The following SEMA3D variants were observed in gnomAD, a reference collection of about 807,000 sequenced individuals.
SEMA3D encodes the protein semaphorin-3D.
SEMA3D carries 84 observed loss-of-function variants against 100.1 expected under a neutral mutation model. The ratio of observed to expected loss-of-function variants is 0.84; its 90% CI spans 0.70 to 1.01. SEMA3D has a LOEUF of 1.01. Ranked by LOEUF, SEMA3D falls within the 50% of genes least tolerant of loss-of-function variation. The probability of loss-of-function intolerance (pLI) is 0.00; values close to 1 mark genes in which losing one functional copy is unlikely to be tolerated. For missense variants in SEMA3D, 875 were observed against 934.1 expected, an observed-to-expected ratio of 0.94 and a Z score of 0.82; for synonymous variants, 312 against 320.7, an observed-to-expected ratio of 0.97 and a Z score of 0.29.
chr7:85,047,754 T>C (rs1791049511), intron 9 of SEMA3D, among the ~76,000 whole-genome samples: 1 of 151,858 alleles, frequency 6.6e-6, no homozygotes, highest in African/African-American at 2.4e-5. Context: ...TTCAAATCAA[T>C]AGAAACTGGA....
chr7:85,129,736 G>A (rs892604754), intron 2 of SEMA3D, among the ~76,000 whole-genome samples: 2 of 152,096 alleles, frequency 1.3e-5, no homozygotes, highest in African/African-American at 4.8e-5. Flanking sequence ...GATGTATGCT[G>A]TAGGACAATA....
chr7:85,218,480 T>G, the SEMA3D span, among the ~76,000 whole-genome samples: 1 of 152,114 alleles, frequency 6.6e-6, no homozygotes, highest in African/African-American at 2.4e-5. Flanking sequence ...ATTTTGGGTA[T>G]TTTTATATAA....
At chr7:85,184,675 T>G (rs1166397993) in intron 1 of SEMA3D, among the ~76,000 whole-genome samples, 1 of 152,218 alleles carries the variant, frequency 6.6e-6, no homozygotes, top group Non-Finnish European at 1.5e-5. Context: ...CATTGGAAAT[T>G]TTGGCAATTC....
chr7:85,060,108 T>C (rs569536663), intron 8 of SEMA3D, among the ~76,000 whole-genome samples: 1 of 152,334 alleles, frequency 6.6e-6, no homozygotes, highest in South Asian at 2.1e-4. Flanking sequence ...TATTCAGTCA[T>C]TATTGATTTT....
chr7:85,098,003 A>AG (rs1788618757), intron 3 of SEMA3D, 38 bp from the exon 4 acceptor site: 1 of 1,174,022 alleles, frequency 8.5e-7, no homozygotes, highest in Non-Finnish European at 1.2e-6. Context: ...GGAGAAAGAA[A>AG]AAAGAAAGAA....
chr7:85,229,260 T>A, the SEMA3D span, among the ~76,000 whole-genome samples: 2 of 152,038 alleles, frequency 1.3e-5, no homozygotes, highest in African/African-American at 4.8e-5. Context: ...ATTTTTGTCT[T>A]AGATTCTGAT....
At chr7:85,073,938 A>T (rs1053363111) in intron 5 of SEMA3D, among the ~76,000 whole-genome samples, 2 of 152,162 alleles carry the variant, frequency 1.3e-5, no homozygotes, top group African/African-American at 4.8e-5. Flanking sequence ...TTTAGAACTT[A>T]ATTATTTCAT....
the SEMA3D span, among the ~76,000 whole-genome samples, chr7:85,201,859 G>T: frequency 1.3e-5 from 2 of 151,820 alleles, no homozygotes; most frequent in East Asian, 1.9e-4. Flanking sequence ...CTGAGTAGCT[G>T]GGACTACAGG....
At chr7:85,069,629 T>C (rs1315598222) in intron 6 of SEMA3D, among the ~76,000 whole-genome samples, 1 of 152,186 alleles carries the variant, frequency 6.6e-6, no homozygotes, top group Non-Finnish European at 1.5e-5. Flanking sequence ...CTTGATTAAT[T>C]ATGCAAAAAG....
At position 85,042,278 on chromosome 7, in the gene SEMA3D, A is replaced by C. The variant is rs1220675844; in HGVS notation, c.869T>G (p.Val290Gly). 1.9e-6 allele frequency: 3 copies of C among 1,604,592 alleles called. No individual in the cohort carries two copies. The highest frequency in any genetic ancestry group is 2.6e-6 in the Non-Finnish European group (3 of 1,171,980). The change falls in exon 10 of 19, where the codon GTA (valine) becomes GGA (glycine). Residue 290 changes from valine to glycine, a missense_variant. Val to Gly is a moderately radical substitution (Grantham distance 109). Transcript: ENST00000284136. Reference sequence around the variant, plus strand: ...GTTTATCAGGCTGCGTTGTCCTCCTACATCATTCTGACATGAAAAAAAAAA... The same window carrying C: ...GTTTATCAGGCTGCGTTGTCCTCCTCCATCATTCTGACATGAAAAAAAAAA... ...SRVGRVCKND[V>G]GGQRSLINKW... is the part of the protein sequence containing the mutation.
chr7:85,121,831 C>T lies in SEMA3D; in HGVS notation c.61G>A (p.Ala21Thr), dbSNP rs1347220666. The T allele has an allele frequency of 1.2e-6, 2 of 1,608,056 alleles. No homozygotes were observed. Among genetic ancestry groups the T allele is most frequent in the Admixed American group, 1.7e-5 (1 of 59,328 alleles). Residue 21 changes from alanine to threonine, a missense_variant, in exon 3 of 19, where the codon GCT (alanine) becomes ACT (threonine). By Grantham distance (58) the Ala-to-Thr change is moderately conservative. Coordinates refer to ENST00000284136, the MANE Select transcript of SEMA3D (RefSeq NM_001384900.1). Reference protein sequence around the residue: ...ARSQDFHLFPALMMLSMTMLF... With the variant: ...ARSQDFHLFPTLMMLSMTMLF... ...ATGGTCATGCTTAGCATCATCAAAG[C>T]AGGAAAAAGGTGAAAATCTTGGCTT...
chr7:85,174,762 C>T (rs1389043540), intron 1 of SEMA3D, among the ~76,000 whole-genome samples: 1 of 152,010 alleles, frequency 6.6e-6, no homozygotes, highest in Non-Finnish European at 1.5e-5. Context: ...GTAGAGGCAT[C>T]GGTTGACGGC....
In SEMA3D at chr7:84,999,392, C is replaced by G. The variant is rs202121356; in HGVS notation, c.*48G>C. The stretch of plus-strand genomic sequence containing the variant: ...TATAAGGGATATACAAAACAGAAGG[C>G]AATGTTTTTATAGGTAAGGAATTCT... On this transcript the variant is annotated 3_prime_UTR_variant, in exon 19 of 19. Transcript: ENST00000284136. The G allele has an allele frequency of 4.0e-4, 590 of 1,459,218 alleles. No homozygotes were observed. Among genetic ancestry groups the G allele is most frequent in the Non-Finnish European group, 5.2e-4 (542 of 1,051,552 alleles). The allele number at this position is 1,459,218 out of a possible 1,614,324, so 90.4% of individuals were successfully genotyped here.
intron 15 of SEMA3D, among the ~76,000 whole-genome samples, chr7:85,017,811 A>G (rs956660393): frequency 6.6e-6 from 1 of 151,716 alleles, no homozygotes; most frequent in Admixed American, 6.6e-5. Flanking sequence ...TGTTTTTCTA[A>G]CTTTACTGTT....
At chr7:85,090,451 A>C (rs1788351816) in intron 4 of SEMA3D, among the ~76,000 whole-genome samples, 1 of 152,174 alleles carries the variant, frequency 6.6e-6, no homozygotes, top group Admixed American at 6.5e-5. Flanking sequence ...ACATGAAACT[A>C]AGCAGGGTGT....
intron 4 of SEMA3D, among the ~76,000 whole-genome samples, chr7:85,090,683 A>C (rs193187546): frequency 1.3e-5 from 2 of 152,156 alleles, no homozygotes; most frequent in South Asian, 4.1e-4. Flanking sequence ...GCCATAGAGT[A>C]AGTTAATAGA....
intron 3 of SEMA3D, among the ~76,000 whole-genome samples, chr7:85,114,813 AAC>A (rs918193476): frequency 5.3e-5 from 8 of 152,300 alleles, no homozygotes; most frequent in African/African-American, 1.9e-4. Flanking sequence ...AGATAAATAA[AAC>A]AAGATTTTTA....
chr7:85,054,065 T>A (rs1460722749), intron 9 of SEMA3D, among the ~76,000 whole-genome samples: 1 of 151,990 alleles, frequency 6.6e-6, no homozygotes, highest in African/African-American at 2.4e-5. Flanking sequence ...ATAATTTTAA[T>A]ATAGGAATTT....
At chr7:85,040,276 C>T (rs936502133) in intron 11 of SEMA3D, among the ~76,000 whole-genome samples, 1 of 152,008 alleles carries the variant, frequency 6.6e-6, no homozygotes, top group East Asian at 1.9e-4. Context: ...GTGAGCCCAG[C>T]CTGCATATGC....
Sources: allele counts gnomAD v4.1 joint callset (sites outside exome capture counted in the v4.1 genomes callset), GRCh38; gene constraint gnomAD v4.1.1; transcripts MANE v1.5; gene names NCBI Gene and HGNC (gene_info 2026-07-23, HGNC 2026-07-21).